PLCB1: variants seen among roughly 807,000 people sequenced by gnomAD.
The protein encoded by PLCB1 is phospholipase C beta 1, also known as 1-phosphatidylinositol 4,5-bisphosphate phosphodiesterase beta-1.
PLCB1 carries 46 observed loss-of-function variants against 161.8 expected under a neutral mutation model. The observed-to-expected ratio is 0.28, with a 90% CI of 0.22 to 0.36. PLCB1 has a LOEUF of 0.36. PLCB1 is among the 10% of genes least tolerant of loss of function. The probability of loss-of-function intolerance (pLI) is 1.00; values close to 1 mark genes in which losing one functional copy is unlikely to be tolerated. For synonymous variants in PLCB1, 517 were observed against 503.7 expected (o/e 1.03, Z -0.35); for missense variants, 1,016 against 1,472.5 (o/e 0.69, Z 5.07).
At chr20:8,560,070 T>C (rs1568508179) in intron 3 of PLCB1, among the ~76,000 whole-genome samples, 1 of 151,946 alleles carries the variant, frequency 6.6e-6, no homozygotes, top group Non-Finnish European at 1.5e-5. Context: ...AGCTTTCAAA[T>C]TTTAGTTTAT....
chr20:8,522,288 A>G (rs1168978290), intron 3 of PLCB1, among the ~76,000 whole-genome samples: 1 of 151,954 alleles, frequency 6.6e-6, no homozygotes, highest in Non-Finnish European at 1.5e-5. Context: ...TCAATAAATC[A>G]TTTTCTAAGA....
At chr20:8,268,132 A>G (rs1982075583) in intron 2 of PLCB1, among the ~76,000 whole-genome samples, 1 of 151,462 alleles carries the variant, frequency 6.6e-6, no homozygotes, top group Non-Finnish European at 1.5e-5. Context: ...CCACCTCATG[A>G]CCGGCCCCGG....
chr20:8,614,691 C>G (rs1988000987), intron 3 of PLCB1, among the ~76,000 whole-genome samples: 1 of 150,646 alleles, frequency 6.6e-6, no homozygotes. Flanking sequence ...CATGTTGCTA[C>G]TTAAATCTGA....
At chr20:8,637,920 G>T (rs1988813084) in intron 4 of PLCB1, among the ~76,000 whole-genome samples, 1 of 152,196 alleles carries the variant, frequency 6.6e-6, no homozygotes, top group Non-Finnish European at 1.5e-5. Flanking sequence ...TTGAGACGGA[G>T]TCTCGCTCTG....
chr20:8,307,108 C>T (rs1984168298), intron 2 of PLCB1, among the ~76,000 whole-genome samples: 2 of 152,156 alleles, frequency 1.3e-5, no homozygotes, highest in Non-Finnish European at 2.9e-5. Flanking sequence ...CCTGCATAGT[C>T]TTTAAATAGA....
intron 1 of PLCB1, among the ~76,000 whole-genome samples, chr20:8,143,806 G>A (rs1252786970): frequency 1.3e-5 from 2 of 152,214 alleles, no homozygotes; most frequent in Non-Finnish European, 2.9e-5. Context: ...TACTGCGTAG[G>A]TCCTTGCAGG....
intron 31 of PLCB1, among the ~76,000 whole-genome samples, chr20:8,874,967 T>C (rs1987728625): frequency 6.6e-6 from 1 of 151,876 alleles, no homozygotes; most frequent in African/African-American, 2.4e-5. Flanking sequence ...ATGTTATTGC[T>C]TCTTTAAAGG....
intron 11 of PLCB1, among the ~76,000 whole-genome samples, chr20:8,704,615 A>G (rs1978558680): frequency 6.6e-6 from 1 of 152,232 alleles, no homozygotes; most frequent in Admixed American, 6.5e-5. Flanking sequence ...TCTGCAGACC[A>G]CATTTATCCT....
At chr20:8,451,760 A>G (rs1373359068) in intron 3 of PLCB1, among the ~76,000 whole-genome samples, 1 of 145,970 alleles carries the variant, frequency 6.9e-6, no homozygotes, top group African/African-American at 2.5e-5. Flanking sequence ...TTCTCTTTTC[A>G]TTTGCCTCTA....
chr20:8,255,516 T>C (rs551442854), intron 2 of PLCB1, among the ~76,000 whole-genome samples: 1 of 152,184 alleles, frequency 6.6e-6, no homozygotes, highest in East Asian at 1.9e-4. Context: ...TGATACAAAA[T>C]GTTAAGACTT....
intron 11 of PLCB1, among the ~76,000 whole-genome samples, chr20:8,707,092 C>T (rs995856015): frequency 3.3e-5 from 5 of 152,228 alleles, no homozygotes; most frequent in African/African-American, 4.8e-5. Flanking sequence ...ACTCAACTAT[C>T]GTAAAAGTTA....
intron 25 of PLCB1, among the ~76,000 whole-genome samples, chr20:8,764,480 T>C (rs1438841010): frequency 6.6e-6 from 1 of 152,196 alleles, no homozygotes; most frequent in Admixed American, 6.5e-5. Context: ...AGTATTATAA[T>C]CCTTATAGCA....
chr20:8,141,085 C>T (rs764414521), intron 1 of PLCB1, among the ~76,000 whole-genome samples: 9 of 152,048 alleles, frequency 5.9e-5, no homozygotes, highest in Non-Finnish European at 1.3e-4. Context: ...TGTGAGCCAC[C>T]GAACGTGGCC....
At chr20:8,656,040 A>C (rs1056058972) in intron 7 of PLCB1, among the ~76,000 whole-genome samples, 1 of 152,046 alleles carries the variant, frequency 6.6e-6, no homozygotes, top group Non-Finnish European at 1.5e-5. Context: ...ACAATTCACA[A>C]GAAGTCCCCA....
chr20:8,404,202 T>C (rs73897436), intron 3 of PLCB1, among the ~76,000 whole-genome samples: 2,634 of 152,286 alleles, frequency 0.017, 85 homozygotes, highest in African/African-American at 0.061. Context: ...ATGGAATAAA[T>C]GCTCTGTTCT....
intron 3 of PLCB1, among the ~76,000 whole-genome samples, chr20:8,533,228 G>A (rs1984893721): frequency 6.6e-6 from 1 of 151,982 alleles, no homozygotes; most frequent in African/African-American, 2.4e-5. Flanking sequence ...ATTCCATGGT[G>A]TATATGTGCC....
chr20:8,856,477 G>C (rs148513160), intron 31 of PLCB1, among the ~76,000 whole-genome samples: 3,094 of 152,098 alleles, frequency 0.02, 53 homozygotes, highest in Middle Eastern at 0.061. Context: ...TTAGCTGGGC[G>C]TGGGGGCACA....
intron 2 of PLCB1, among the ~76,000 whole-genome samples, chr20:8,289,086 T>C (rs1211045192): frequency 6.6e-6 from 1 of 152,162 alleles, no homozygotes; most frequent in African/African-American, 2.4e-5. Context: ...CAGTGTCCCA[T>C]CCAGATCACC....
chr20:8,618,319 A>T (rs748249102), intron 3 of PLCB1, among the ~76,000 whole-genome samples: 18 of 152,166 alleles, frequency 1.2e-4, no homozygotes, highest in Non-Finnish European at 2.2e-4. Flanking sequence ...AAATTTTTTT[A>T]AAATTAAGAG....
Sources: allele counts gnomAD v4.1 joint callset (sites outside exome capture counted in the v4.1 genomes callset), GRCh38; gene constraint gnomAD v4.1.1; transcripts MANE v1.5; gene names NCBI Gene and HGNC (gene_info 2026-07-23, HGNC 2026-07-21).